Variants in PCDHA8 observed in about 807,000 individuals in gnomAD.
PCDHA8 encodes the protein protocadherin alpha 8, also known as protocadherin alpha-8.
A neutral mutation model predicts 61.8 loss-of-function variants in PCDHA8; 53 were observed. The observed-to-expected ratio is 0.86, with a 90% CI of 0.69 to 1.08. The LOEUF (loss-of-function observed/expected upper bound fraction) is 1.08. Ranked by LOEUF, PCDHA8 falls within the 50% of genes least tolerant of loss-of-function variation. The pLI is 0.00. For missense variants in PCDHA8, 1,293 were observed against 1,245.0 expected (o/e 1.04, Z -0.58); for synonymous variants, 618 against 556.6 (o/e 1.11, Z -1.55).
rs1413511622 is a variant in PCDHA8, at chr5:140,853,854, T to A, written c.2394+10139T>A. ...CGAAATTTTAGATCCATAGCCCTAT[T>A]TGATACTTGACAGTGCAAGTTTCTG... On this transcript the variant is annotated intron_variant, in intron 1 of 3. Coordinates refer to ENST00000531613, the MANE Select transcript of PCDHA8 (RefSeq NM_018911.3). The A allele has an allele frequency of 2.1e-5, 21 of 985,682 alleles. 4 individuals carry two copies. The highest frequency in any genetic ancestry group is 2.3e-5 in the Non-Finnish European group (19 of 817,834). The allele number at this position is 985,682 out of a possible 1,614,324, so 61.1% of individuals were successfully genotyped here. A position where few individuals can be genotyped will look rare whatever the true frequency, so the allele number is the denominator to read the frequency against.
chr5:140,870,132 C>G (rs371110623), intron 1 of PCDHA8: 2 of 1,613,970 alleles, frequency 1.2e-6, no homozygotes, highest in East Asian at 2.2e-5. Flanking sequence ...TGGACACCAA[C>G]GATAACTCTC....
At chr5:140,940,616 G>A (rs1554213527) in intron 1 of PCDHA8, among the ~76,000 whole-genome samples, 3 of 152,002 alleles carry the variant, frequency 2.0e-5, no homozygotes, top group Non-Finnish European at 4.4e-5. Flanking sequence ...CCTGGCTCCT[G>A]CAAATATTCT....
At chr5:140,854,909 G>T (rs1295662316) in intron 1 of PCDHA8, among the ~76,000 whole-genome samples, 1 of 149,376 alleles carries the variant, frequency 6.7e-6, no homozygotes, top group Non-Finnish European at 1.5e-5. Flanking sequence ...AATATAACAG[G>T]GTTGAAAGCA....
At chr5:140,875,740 A>G (rs377133743) in intron 1 of PCDHA8, 14 of 1,614,104 alleles carry the variant, frequency 8.7e-6, no homozygotes, top group Non-Finnish European at 1.2e-5. Context: ...GAATTCTCGG[A>G]TCGACCGCGA....
rs2150364559 is a variant in PCDHA8, at chr5:140,843,651, C to T, written c.2330C>T (p.Pro777Leu). The T allele has an allele frequency of 6.3e-7, 1 of 1,595,120 alleles. No individual in the cohort carries two copies. The highest frequency in any genetic ancestry group is 8.6e-7 in the Non-Finnish European group (1 of 1,164,672). ...CTCATGGCCTTCAGCCCCTGCCTTC[C>T]TCCTGATCTGGGATCAGTTGATGTA... Reference protein sequence around the residue: ...TDLMAFSPCLPPDLGSVDVGE... With the variant: ...TDLMAFSPCLLPDLGSVDVGE... Residue 777 changes from proline to leucine, a missense_variant, in exon 1 of 4, where the codon CCT (proline) becomes CTT (leucine). By Grantham distance (98) the Pro-to-Leu change is moderately conservative. Coordinates refer to ENST00000531613, the MANE Select transcript of PCDHA8 (RefSeq NM_018911.3).
intron 1 of PCDHA8, chr5:140,969,386 C>G (rs782109093): frequency 6.3e-7 from 1 of 1,596,966 alleles, no homozygotes; most frequent in South Asian, 1.1e-5. Flanking sequence ...TACACATCCC[C>G]CAATATCCTG....
Position 141,009,859 on chromosome 5 carries a change from G to A in PCDHA8, c.2775G>A (p.Lys925=). The A allele has an allele frequency of 1.2e-6, 2 of 1,613,884 alleles. No homozygotes were observed. Among genetic ancestry groups the A allele is most frequent in the Non-Finnish European group, 1.7e-6 (2 of 1,179,960 alleles). The part of the protein sequence containing the change: ...TFGKKEETKK[K]KKKKKGNKTQ... ...GCAAAAAGGAGGAGACCAAGAAAAA[G>A]AAGAAAAAGAAGAAGGGTAACAAGA... The change falls in exon 4 of 4, where the codon AAG becomes AAA. Residue 925 remains lysine (K), a synonymous_variant. Transcript: ENST00000531613.
intron 1 of PCDHA8, among the ~76,000 whole-genome samples, chr5:140,845,288 C>A (rs1304336704): frequency 6.7e-6 from 1 of 149,098 alleles, no homozygotes; most frequent in Non-Finnish European, 1.5e-5. Flanking sequence ...ATTTCCTATC[C>A]TGTCTATGTC....
chr5:140,941,191 T>TTTTTCTTTCTTTC lies in PCDHA8; in HGVS notation c.2395-37755_2395-37754insTCTTTCTTTCTTT, dbSNP rs1554213809. On this transcript the variant is annotated intron_variant, in intron 1 of 3. Transcript: ENST00000531613. ...CATCTTGAACATCCTGCTTCTTTTT[T>TTTTTCTTTCTTTC]TTTCTTTCTTCCTTTCTTTCTTCCT... Among the ~76,000 whole-genome samples the TTTTTCTTTCTTTC allele has an allele frequency of 1.3e-4, 12 of 93,256 alleles. No individual in the cohort carries two copies. In the East Asian group the frequency reaches 2.9e-3, roughly 23 times the overall value. 61.2% of individuals were successfully genotyped at this position (93,256 alleles called of 152,430 possible). A position where few individuals can be genotyped will look rare whatever the true frequency, so the allele number is the denominator to read the frequency against.
chr5:140,955,889 G>A (rs246016), intron 1 of PCDHA8, among the ~76,000 whole-genome samples: 85,633 of 151,918 alleles, frequency 0.56, 24,754 homozygotes, highest in African/African-American at 0.69. Flanking sequence ...ATTCCTAGGT[G>A]TTTTATTCTC....
At chr5:140,871,122 G>A (rs782184692) in intron 1 of PCDHA8, 2 of 1,613,344 alleles carry the variant, frequency 1.2e-6, no homozygotes, top group South Asian at 2.2e-5. Flanking sequence ...AGAGCGGACA[G>A]GCGCCAAAGG....
At chr5:140,910,523 T>TC (rs2153515069) in intron 1 of PCDHA8, among the ~76,000 whole-genome samples, 1 of 152,338 alleles carries the variant, frequency 6.6e-6, no homozygotes, top group African/African-American at 2.4e-5. Flanking sequence ...ATGCAGGTAC[T>TC]CCCCTCACAA....
intron 1 of PCDHA8, among the ~76,000 whole-genome samples, chr5:140,898,545 C>CCG (rs2153461002): frequency 1.3e-5 from 2 of 152,322 alleles, no homozygotes; most frequent in East Asian, 3.9e-4. Context: ...TTCCATTTAT[C>CCG]TATGTCTCTG....
In PCDHA8 at chr5:140,857,722, C is replaced by A. The variant is rs371525843; in HGVS notation, c.2394+14007C>A. The A allele has an allele frequency of 6.9e-6, 11 of 1,597,318 alleles. 1 individual carries two copies. Among genetic ancestry groups the A allele is most frequent in the Non-Finnish European group, 9.4e-6 (11 of 1,167,728 alleles). On this transcript the variant is annotated intron_variant, in intron 1 of 3. Coordinates refer to ENST00000531613, the MANE Select transcript of PCDHA8 (RefSeq NM_018911.3). ...TGCAGGTGTTCGTGCTGGACGAGAA[C>A]GACAACGCTCCCGCGCTGCTGGCGT... is the stretch of plus-strand genomic sequence containing the variant.
intron 1 of PCDHA8, chr5:140,877,946 C>A: frequency 7.4e-7 from 1 of 1,349,556 alleles, no homozygotes; most frequent in Non-Finnish European, 9.7e-7. Flanking sequence ...TTTAAACTAT[C>A]GAATGTCTCA....
chr5:140,990,155 G>A (rs1483856647), intron 3 of PCDHA8, among the ~76,000 whole-genome samples: 2 of 152,076 alleles, frequency 1.3e-5, no homozygotes, highest in Admixed American at 6.5e-5. Context: ...ATAATAGAAA[G>A]TTAGGGTATG....
chr5:140,857,402 C>T (rs2044569708), intron 1 of PCDHA8: 3 of 1,598,498 alleles, frequency 1.9e-6, no homozygotes, highest in Non-Finnish European at 2.6e-6. Flanking sequence ...CGACAACGCG[C>T]CTGCGTTCGC....
chr5:140,941,214 C>CTTTCT (rs1554214039), intron 1 of PCDHA8, among the ~76,000 whole-genome samples: 174 of 122,492 alleles, frequency 1.4e-3, no homozygotes, highest in African/African-American at 5.3e-3. Flanking sequence ...TTTCTTTCTT[C>CTTTCT]CTTTCTTTCT....
In PCDHA8 at chr5:140,857,745, C is replaced by A. The variant is rs782206343; in HGVS notation, c.2394+14030C>A. ...AACGACAACGCTCCCGCGCTGCTGG[C>A]GTCTCCCGCTGGCAGCGCGGGCGGT... is the stretch of plus-strand genomic sequence containing the variant. On this transcript the variant is annotated intron_variant, in intron 1 of 3. Coordinates refer to ENST00000531613, the MANE Select transcript of PCDHA8 (RefSeq NM_018911.3). 4.6e-5 allele frequency: 73 copies of A among 1,597,310 alleles called. 8 individuals carry two copies. Among genetic ancestry groups the A allele is most frequent in the Non-Finnish European group, 5.8e-5 (68 of 1,167,612 alleles).
Sources: gnomAD v4.1 joint callset for allele counts (sites outside exome capture counted in the v4.1 genomes callset) on GRCh38, gnomAD v4.1.1 for gene constraint, MANE v1.5 for transcripts, NCBI Gene and HGNC (gene_info 2026-07-23, HGNC 2026-07-21) for gene names.